PTPN22: variants seen among roughly 807,000 people sequenced by gnomAD.
The protein encoded by PTPN22 is tyrosine-protein phosphatase non-receptor type 22.
PTPN22 carries 85 observed loss-of-function variants against 103.3 expected under a neutral mutation model. The observed-to-expected ratio is 0.82, with a 90% CI of 0.69 to 0.99. PTPN22 has a LOEUF of 0.99. Ranked by LOEUF, PTPN22 falls within the 50% of genes least tolerant of loss-of-function variation. The probability of loss-of-function intolerance (pLI) is 0.00; values close to 1 mark genes in which losing one functional copy is unlikely to be tolerated. For synonymous variants in PTPN22, 323 were observed against 310.2 expected, an observed-to-expected ratio of 1.04 and a Z score of -0.43; for missense variants, 865 against 936.9, an observed-to-expected ratio of 0.92 and a Z score of 1.00.
intron 11 of PTPN22, among the ~76,000 whole-genome samples, chr1:113,842,630 C>T (rs528311761): frequency 6.6e-5 from 10 of 151,458 alleles, no homozygotes; most frequent in South Asian, 2.1e-4. Flanking sequence ...GCCAAGATTG[C>T]GCCACTGCAC....
intron 11 of PTPN22, among the ~76,000 whole-genome samples, chr1:113,845,959 A>G (rs952096125): frequency 1.3e-5 from 2 of 152,086 alleles, no homozygotes; most frequent in African/African-American, 4.8e-5. Context: ...CCTTTGATTC[A>G]TGTTTACTGA....
At chr1:113,816,011 T>C (rs1571324107) in intron 20 of PTPN22, among the ~76,000 whole-genome samples, 1 of 152,306 alleles carries the variant, frequency 6.6e-6, no homozygotes, top group South Asian at 2.1e-4. Context: ...TATCTTACAC[T>C]TAGCAACTTT....
chr1:113,861,588 A>G (rs1361219342), intron 1 of PTPN22, among the ~76,000 whole-genome samples: 1 of 150,918 alleles, frequency 6.6e-6, no homozygotes. Context: ...CATGTTGGCC[A>G]GGCTGGTCTT....
chr1:113,834,816 G>A lies in PTPN22; in HGVS notation c.1894+94C>T. On this transcript the variant is annotated intron_variant, in intron 14 of 20. Coordinates refer to ENST00000359785, the Ensembl canonical transcript of PTPN22. Reference sequence around the variant, plus strand: ...CCTCAATGAACTCCTCAAACTCAAGGCTCACACATCAGCTTCCCAAAGTGC... The same window carrying A: ...CCTCAATGAACTCCTCAAACTCAAGACTCACACATCAGCTTCCCAAAGTGC... The A allele has an allele frequency of 2.9e-6, 3 of 1,019,754 alleles. No homozygotes were observed. The South Asian group carries it at 4.4e-5, about 15-fold the overall frequency. The allele number at this position is 1,019,754 out of a possible 1,614,324, so 63.2% of individuals were successfully genotyped here. A position where few individuals can be genotyped will look rare whatever the true frequency, so the allele number is the denominator to read the frequency against.
In PTPN22 at chr1:113,850,843, A is replaced by C. The variant is rs1038988367; in HGVS notation, c.828+1184T>G. Among the ~76,000 whole-genome samples the C allele has an allele frequency of 3.3e-5, 5 of 152,204 alleles. No individual in the cohort carries two copies. The South Asian group carries it at 1.0e-3, about 31-fold the overall frequency. On this transcript the variant is annotated intron_variant, in intron 10 of 20. Transcript: ENST00000359785. ...ATCTTCATTTGTAAGTGTTTTAAAC[A>C]CTTTAAGGTCTTGCTATTTAAGTAG...
intron 19 of PTPN22, among the ~76,000 whole-genome samples, chr1:113,822,336 T>C (rs1288859947): frequency 6.6e-6 from 1 of 152,240 alleles, no homozygotes; most frequent in East Asian, 1.9e-4. Flanking sequence ...CTGTGAAGCA[T>C]GTTTAAAAAT....
chr1:113,868,512 C>T (rs1326147688), intron 1 of PTPN22, among the ~76,000 whole-genome samples: 1 of 152,172 alleles, frequency 6.6e-6, no homozygotes, highest in Non-Finnish European at 1.5e-5. Flanking sequence ...CTCTACTCCC[C>T]CAAAGCTCTC....
intron 1 of PTPN22, among the ~76,000 whole-genome samples, chr1:113,867,929 G>C (rs897280505): frequency 5.3e-5 from 8 of 152,126 alleles, no homozygotes; most frequent in Non-Finnish European, 1.2e-4. Context: ...GGATGCTCAA[G>C]TCCCTCATAT....
chr1:113,860,849 T>C (rs1266270095), intron 1 of PTPN22, among the ~76,000 whole-genome samples: 2 of 152,252 alleles, frequency 1.3e-5, no homozygotes, highest in African/African-American at 4.8e-5. Context: ...TATTTATTTT[T>C]GTTTTATTTT....
At chr1:113,870,768 C>T (rs1363635321) in intron 1 of PTPN22, among the ~76,000 whole-genome samples, 1 of 152,002 alleles carries the variant, frequency 6.6e-6, no homozygotes, top group Non-Finnish European at 1.5e-5. Flanking sequence ...GCCTGTAATC[C>T]CAGCACTTTG....
At chr1:113,829,476 A>G (rs1662363866) in intron 18 of PTPN22, 116 bp downstream of exon 18, 1 of 558,752 alleles carries the variant, frequency 1.8e-6, no homozygotes. Flanking sequence ...TATAATATCA[A>G]CAATTAGTTT....
At position 113,857,786 on chromosome 1, in the gene PTPN22, G is replaced by T; in HGVS notation, c.370-10C>A. 1.9e-6 allele frequency: 3 copies of T among 1,604,726 alleles called. No individual in the cohort carries two copies. In the South Asian group the frequency reaches 3.3e-5, roughly 18 times the overall value. ...ATGCCATAACAATGATCTGGGGGAT[G>T]AAATAGATAGAAACTTAAACATTCA... On this transcript the variant is annotated splice_polypyrimidine_tract_variant and intron_variant, in intron 4 of 20. Transcript: ENST00000359785.
At chr1:113,821,758 A>G (rs1661635138) in intron 19 of PTPN22, among the ~76,000 whole-genome samples, 1 of 152,148 alleles carries the variant, frequency 6.6e-6, no homozygotes, top group Admixed American at 6.5e-5. Context: ...GTACCTTTAG[A>G]TTAAGGAAAT....
At chr1:113,834,202 A>G (rs943345981) in intron 15 of PTPN22, 107 bp downstream of exon 15, 2 of 1,169,210 alleles carry the variant, frequency 1.7e-6, no homozygotes, top group African/African-American at 1.5e-5. Flanking sequence ...ATTGTTCTAT[A>G]TTTAGTATGT....
exon 21 of PTPN22, chr1:113,814,922 G>A (rs957712769): frequency 7.5e-6 from 12 of 1,607,924 alleles, no homozygotes; most frequent in African/African-American, 5.4e-5. Context: ...TTCCAAGTTG[G>A]TGGTGGATTC....
exon 13 of PTPN22, chr1:113,838,121 T>G (rs1196243263): frequency 6.2e-7 from 1 of 1,613,980 alleles, no homozygotes; most frequent in East Asian, 2.2e-5. Context: ...GGTTTAGAAT[T>G]AGAACATCCC....
intron 7 of PTPN22, among the ~76,000 whole-genome samples, chr1:113,855,949 T>G (rs1163115075): frequency 3.3e-5 from 5 of 152,248 alleles, no homozygotes; most frequent in Admixed American, 3.3e-4. Context: ...CCTACAAATA[T>G]TATCATTTTA....
chr1:113,871,476 C>T lies in PTPN22; in HGVS notation c.87+61G>A, dbSNP rs549792268. 1.5e-5 allele frequency: 21 copies of T among 1,382,938 alleles called. No homozygotes were observed. In the South Asian group the frequency reaches 2.0e-4, roughly 13 times the overall value. The allele number at this position is 1,382,938 out of a possible 1,614,324, so 85.7% of individuals were successfully genotyped here. ...AGCAATTTGGTCTCGGAAAATTGGA[C>T]CCCCATAGTCAGTTAAATAGTGTAT... is the stretch of plus-strand genomic sequence containing the variant. On this transcript the variant is annotated intron_variant, in intron 1 of 20. Coordinates refer to ENST00000359785, the Ensembl canonical transcript of PTPN22.
chr1:113,824,049 C>T (rs1311996086), intron 19 of PTPN22, among the ~76,000 whole-genome samples: 1 of 152,210 alleles, frequency 6.6e-6, no homozygotes, highest in Non-Finnish European at 1.5e-5. Context: ...CAAATAACTG[C>T]TCTTTCACTG....
Sources: allele counts gnomAD v4.1 joint callset (sites outside exome capture counted in the v4.1 genomes callset), GRCh38; gene constraint gnomAD v4.1.1; transcripts MANE v1.5; gene names NCBI Gene and HGNC (gene_info 2026-07-23, HGNC 2026-07-21).